METTL8: variants seen among roughly 807,000 people sequenced by gnomAD.
The protein encoded by METTL8 is tRNA N(3)-cytidine methyltransferase METTL8, mitochondrial.
METTL8 carries 32 observed loss-of-function variants against 48.7 expected under a neutral mutation model. That is an observed-to-expected ratio of 0.66 (90% CI 0.50 to 0.88). The LOEUF (loss-of-function observed/expected upper bound fraction) is 0.88, where lower values mean the gene tolerates loss of function less well. Ranked by LOEUF, METTL8 falls within the 40% of genes least tolerant of loss-of-function variation. The pLI is 0.00. For synonymous variants in METTL8, 136 were observed against 157.1 expected (o/e 0.87, Z 1.01); for missense variants, 464 against 474.4 (o/e 0.98, Z 0.20).
chr2:171,341,835 A>G, intron 3 of METTL8, among the ~76,000 whole-genome samples: 1 of 24,950 alleles, frequency 4.0e-5, no homozygotes, highest in Admixed American at 2.8e-4. Context: ...ATATTCATGT[A>G]CACACACACA....
intron 2 of METTL8, among the ~76,000 whole-genome samples, chr2:171,386,501 C>T (rs1559153527): frequency 6.6e-6 from 1 of 152,306 alleles, no homozygotes; most frequent in South Asian, 2.1e-4. Flanking sequence ...CAGTGGCTCA[C>T]GCCTGTAATC....
intron 2 of METTL8, chr2:171,375,091 A>T (rs1214898455): frequency 9.3e-6 from 11 of 1,188,004 alleles, no homozygotes; most frequent in African/African-American, 1.5e-5. Flanking sequence ...CTTGGGAAGC[A>T]CATAGGCATT....
chr2:171,358,092 T>G (rs563239795), intron 3 of METTL8, among the ~76,000 whole-genome samples: 1 of 152,268 alleles, frequency 6.6e-6, no homozygotes, highest in African/African-American at 2.4e-5. Context: ...GGCTCACACC[T>G]GTAATCCCAG....
chr2:171,389,514 C>CAAAAA (rs56087323), intron 2 of METTL8, among the ~76,000 whole-genome samples: 6 of 52,028 alleles, frequency 1.2e-4, no homozygotes, highest in Non-Finnish European at 1.3e-4. Context: ...CCCTGTCTCA[C>CAAAAA]AAAAAAAAAA....
intron 4 of METTL8, among the ~76,000 whole-genome samples, chr2:171,338,783 G>A (rs973200768): frequency 2.6e-5 from 4 of 152,020 alleles, no homozygotes; most frequent in Non-Finnish European, 5.9e-5. Context: ...AAGAAAGACA[G>A]GGTTTAGTTT....
chr2:171,348,192 G>C (rs1683493472), intron 3 of METTL8, among the ~76,000 whole-genome samples: 1 of 152,146 alleles, frequency 6.6e-6, no homozygotes, highest in African/African-American at 2.4e-5. Flanking sequence ...TTTACACAGA[G>C]GAATGCTAAC....
intron 1 of METTL8, among the ~76,000 whole-genome samples, chr2:171,400,723 G>T (rs753636115): frequency 1.3e-5 from 2 of 152,138 alleles, no homozygotes; most frequent in Admixed American, 1.3e-4. Context: ...GAGCTGAGTA[G>T]TAGAGGCAAA....
intron 7 of METTL8, among the ~76,000 whole-genome samples, chr2:171,329,827 G>A (rs1685338035): frequency 6.6e-6 from 1 of 152,170 alleles, no homozygotes; most frequent in South Asian, 2.1e-4. Context: ...GGAACTGTGA[G>A]AACCCAATTT....
At chr2:171,393,597 C>T (rs1416348642) in intron 1 of METTL8, among the ~76,000 whole-genome samples, 1 of 152,066 alleles carries the variant, frequency 6.6e-6, no homozygotes, top group Non-Finnish European at 1.5e-5. Flanking sequence ...CTCTAAGGTG[C>T]TTACTTTTTC....
At chr2:171,326,711 T>C (rs747867656) in intron 7 of METTL8, among the ~76,000 whole-genome samples, 2 of 152,230 alleles carry the variant, frequency 1.3e-5, no homozygotes, top group Non-Finnish European at 2.9e-5. Flanking sequence ...CTTTAATTTT[T>C]ATTTTTAATG....
In METTL8 at chr2:171,315,938, A is replaced by G. The variant is rs1684243019; in HGVS notation, c.*8234T>C. Among the ~76,000 whole-genome samples, 2 of 152,210 alleles carry G rather than the reference A, an allele frequency of 1.3e-5. No individual in the cohort carries two copies. Among genetic ancestry groups the G allele is most frequent in the Admixed American group, 6.5e-5 (1 of 15,278 alleles). ...TTCCTCTGGTGTCACAGTTCCTCCT[A>G]TACCAGGCCAGGCACTTGCCAATGA... On this transcript the variant is annotated 3_prime_UTR_variant, in exon 10 of 10. Coordinates refer to ENST00000375258, the MANE Select transcript of METTL8 (RefSeq NM_001321154.2).
chr2:171,324,060 G>T lies in METTL8; in HGVS notation c.*112C>A. ...GGAGCTCACCTATGACAAAACGGCA[G>T]GAAATACAAATTCTCTTCTTTTTTT... On this transcript the variant is annotated 3_prime_UTR_variant, in exon 10 of 10. Coordinates refer to ENST00000375258, the MANE Select transcript of METTL8 (RefSeq NM_001321154.2). 1.1e-6 allele frequency: 1 copy of T among 900,180 alleles called. No homozygotes were observed. The highest frequency in any genetic ancestry group is 1.6e-6 in the Non-Finnish European group (1 of 608,812). The allele number at this position is 900,180 out of a possible 1,614,324, so 55.8% of individuals were successfully genotyped here. A position where few individuals can be genotyped will look rare whatever the true frequency, so the allele number is the denominator to read the frequency against.
chr2:171,403,055 G>A (rs906580540), intron 1 of METTL8, among the ~76,000 whole-genome samples: 3 of 152,010 alleles, frequency 2.0e-5, no homozygotes, highest in Admixed American at 6.6e-5. Flanking sequence ...GAGAGAAATC[G>A]TCCATGCAAA....
At chr2:171,397,692 C>T (rs2105582908) in intron 1 of METTL8, among the ~76,000 whole-genome samples, 1 of 151,668 alleles carries the variant, frequency 6.6e-6, no homozygotes, top group African/African-American at 2.4e-5. Context: ...TGATATCAAA[C>T]ATGTGTTTCA....
intron 1 of METTL8, among the ~76,000 whole-genome samples, chr2:171,400,871 G>C (rs1470447114): frequency 6.6e-6 from 1 of 152,036 alleles, no homozygotes; most frequent in Non-Finnish European, 1.5e-5. Context: ...ATTATCCTTG[G>C]AGCACTTAGC....
intron 2 of METTL8, among the ~76,000 whole-genome samples, chr2:171,371,839 T>TTAC (rs1366535079): frequency 2.4e-4 from 6 of 25,090 alleles, no homozygotes; most frequent in Non-Finnish European, 2.7e-4. Flanking sequence ...ATTATTACTA[T>TTAC]TATTATTATT....
At chr2:171,355,359 TGAGGTGTCAGTCAGCCCCTACTGG>T (rs908284867) in intron 3 of METTL8, among the ~76,000 whole-genome samples, 15 of 151,960 alleles carry the variant, frequency 9.9e-5, no homozygotes, top group Non-Finnish European at 1.8e-4. Flanking sequence ...CCTGTCCGTA[TGAGGTGTCAGTCAGCCCCTACTGG>T]GAGGTGCCTC....
chr2:171,319,956 T>C lies in METTL8; in HGVS notation c.*4216A>G, dbSNP rs1684447821. 6.6e-6 allele frequency: 1 copy of C among 152,180 alleles called. No homozygotes were observed. Among genetic ancestry groups the C allele is most frequent in the Non-Finnish European group, 1.5e-5 (1 of 68,028 alleles). 9.4% of individuals were successfully genotyped at this position (152,180 alleles called of 1,614,324 possible). On this transcript the variant is annotated 3_prime_UTR_variant, in exon 10 of 10. Transcript: ENST00000375258. ...TTTGAAATTCAGCTCTCTCAGAAGATGAATTTTTAAATATCAAACTCTGCC... is the reference window on the plus strand; with the variant it reads ...TTTGAAATTCAGCTCTCTCAGAAGACGAATTTTTAAATATCAAACTCTGCC...
chr2:171,430,185 C>T (rs1559231566), intron 1 of METTL8, among the ~76,000 whole-genome samples: 1 of 152,030 alleles, frequency 6.6e-6, no homozygotes, highest in African/African-American at 2.4e-5. Flanking sequence ...TGGTGAAACC[C>T]CGTCTCTACT....
Sources: gnomAD v4.1 joint callset for allele counts (sites outside exome capture counted in the v4.1 genomes callset) on GRCh38, gnomAD v4.1.1 for gene constraint, MANE v1.5 for transcripts, NCBI Gene and HGNC (gene_info 2026-07-23, HGNC 2026-07-21) for gene names.